Variants in PFKFB3 observed in about 807,000 individuals in gnomAD.
The protein encoded by PFKFB3 is 6-phosphofructo-2-kinase/fructose-2,6-biphosphatase 3.
PFKFB3 carries 33 observed loss-of-function variants against 68.0 expected under a neutral mutation model. The observed-to-expected ratio is 0.49, with a 90% CI of 0.37 to 0.65. The LOEUF (loss-of-function observed/expected upper bound fraction) is 0.65. Among genes scored for constraint, PFKFB3 ranks in the 30% least tolerant of loss-of-function variants. PFKFB3 has a pLI of 0.00. For synonymous variants in PFKFB3, 315 were observed against 288.2 expected (o/e 1.09, Z -0.94); for missense variants, 586 against 712.2 (o/e 0.82, Z 2.02).
At position 6,177,468 on chromosome 10, in the gene PFKFB3, C is replaced by CTTTCTTTCTTTCTT. The variant is rs1842552305; in HGVS notation, c.16+32457_16+32470dup. Among the ~76,000 whole-genome samples, 13 of 120,738 alleles carry CTTTCTTTCTTTCTT rather than the reference C, an allele frequency of 1.1e-4. No homozygotes were observed. The South Asian group carries it at 2.9e-3, about 27-fold the overall frequency. The allele number at this position is 120,738 out of a possible 152,430, so 79.2% of individuals were successfully genotyped here. A position where few individuals can be genotyped will look rare whatever the true frequency, so the allele number is the denominator to read the frequency against. ...TCTTTCTTTCTTTCTTTCTTTCTTT[C>CTTTCTTTCTTTCTT]TTTCTTTCTTTCTTTCTTTTTCTTT... On this transcript the variant is annotated intron_variant, in intron 1 of 14. Coordinates refer to the PFKFB3 transcript ENST00000379789.
At chr10:6,273,569 T>C in the PFKFB3 span, among the ~76,000 whole-genome samples, 2 of 152,170 alleles carry the variant, frequency 1.3e-5, no homozygotes, top group Admixed American at 6.5e-5. Flanking sequence ...GACTGGAGTA[T>C]GTTAAGGACT....
At chr10:6,197,824 T>A (rs1843215571) in intron 1 of PFKFB3, 1 of 152,094 alleles carries the variant, frequency 6.6e-6, no homozygotes, top group South Asian at 2.1e-4. Context: ...TTGTTCAAGG[T>A]CAACTGTATA....
downstream of PFKFB3, among the ~76,000 whole-genome samples, chr10:6,238,874 C>T (rs1846081880): frequency 6.6e-6 from 1 of 152,158 alleles, no homozygotes; most frequent in Non-Finnish European, 1.5e-5. Flanking sequence ...CCAGCTCCTT[C>T]TATGTCCCTG....
chr10:6,234,972 C>A lies in PFKFB3; in HGVS notation c.*2030C>A, dbSNP rs1064898. On this transcript the variant is annotated 3_prime_UTR_variant, in exon 15 of 15. Transcript: ENST00000379775. ...GATACTATAGAAAGGAGAACACTGC[C>A]TACTTTGCAAGCCAGTGACCTGCCT... 3 of 146,418 alleles carry A rather than the reference C, an allele frequency of 2.0e-5. No individual in the cohort carries two copies. In the Admixed American group the frequency reaches 2.1e-4, roughly 10 times the overall value. The allele number at this position is 146,418 out of a possible 1,614,324, so 9.1% of individuals were successfully genotyped here.
intron 13 of PFKFB3, 178 bp downstream of exon 13, chr10:6,224,391 C>T (rs1588523758): frequency 1.6e-6 from 1 of 636,038 alleles, no homozygotes. Flanking sequence ...TCTGTGGCTT[C>T]TGGGGCCTTC....
upstream of PFKFB3, among the ~76,000 whole-genome samples, chr10:6,199,670 T>TTA (rs1284648543): frequency 7.1e-6 from 1 of 140,200 alleles, no homozygotes; most frequent in Non-Finnish European, 1.5e-5. Context: ...TTTTTTTTTT[T>TTA]TTTTTTTTTT....
Position 6,203,056 on chromosome 10 carries a change from A to T in PFKFB3, c.-205A>T. Reference sequence around the variant, plus strand: ...CGTGCCGGGCATCCCCAGCCTCGCTACCCTCGCAGCACACGTCGAGCCCCG... The same window carrying T: ...CGTGCCGGGCATCCCCAGCCTCGCTTCCCTCGCAGCACACGTCGAGCCCCG... On this transcript the variant is annotated 5_prime_UTR_variant, in exon 1 of 15. Coordinates refer to ENST00000379775, the MANE Select transcript of PFKFB3 (RefSeq NM_004566.4). 1 of 1,384,530 alleles carries T rather than the reference A, an allele frequency of 7.2e-7. No individual in the cohort carries two copies. The highest frequency in any genetic ancestry group is 9.3e-7 in the Non-Finnish European group (1 of 1,074,130). 85.8% of individuals were successfully genotyped at this position (1,384,530 alleles called of 1,614,324 possible). A position where few individuals can be genotyped will look rare whatever the true frequency, so the allele number is the denominator to read the frequency against.
At chr10:6,205,388 C>CTTTTTTTT (rs3084014) in intron 1 of PFKFB3, among the ~76,000 whole-genome samples, 86 of 106,488 alleles carry the variant, frequency 8.1e-4, no homozygotes, top group Admixed American at 1.5e-3. Context: ...TTCTTTCTTC[C>CTTTTTTTT]TTTTTTTTTT....
chr10:6,292,278 C>T, the PFKFB3 span, among the ~76,000 whole-genome samples: 455 of 54,296 alleles, frequency 8.4e-3, 32 homozygotes, highest in East Asian at 0.037. Flanking sequence ...TTTTTTTTTT[C>T]TTTTTTTTTT....
At chr10:6,262,499 A>T in the PFKFB3 span, among the ~76,000 whole-genome samples, 6 of 148,474 alleles carry the variant, frequency 4.0e-5, no homozygotes, top group Admixed American at 4.0e-4. Context: ...GGATATTTTC[A>T]ATGTAATCTA....
chr10:6,178,690 C>T (rs34836742), intron 1 of PFKFB3, among the ~76,000 whole-genome samples: 3,793 of 152,288 alleles, frequency 0.025, 80 homozygotes, highest in Non-Finnish European at 0.035. Flanking sequence ...GTGGGCATCT[C>T]GGCCTCGAGT....
chr10:6,159,167 G>A (rs1588395091), intron 1 of PFKFB3, among the ~76,000 whole-genome samples: 1 of 152,270 alleles, frequency 6.6e-6, no homozygotes, highest in East Asian at 1.9e-4. Flanking sequence ...GACGGAGGTA[G>A]GCAGATCCCT....
intron 1 of PFKFB3, among the ~76,000 whole-genome samples, chr10:6,158,026 C>T (rs1289412128): frequency 6.6e-6 from 1 of 151,914 alleles, no homozygotes; most frequent in Non-Finnish European, 1.5e-5. Flanking sequence ...TGGTTCATGC[C>T]TGTAATCCCA....
At chr10:6,316,925 A>T in the PFKFB3 span, among the ~76,000 whole-genome samples, 2 of 152,182 alleles carry the variant, frequency 1.3e-5, no homozygotes, top group African/African-American at 4.8e-5. Flanking sequence ...TTTTGCAAGT[A>T]TGACTCCCCA....
At chr10:6,156,019 C>T (rs957635893) in intron 1 of PFKFB3, among the ~76,000 whole-genome samples, 10 of 152,162 alleles carry the variant, frequency 6.6e-5, no homozygotes, top group African/African-American at 2.4e-4. Flanking sequence ...CCCCCGCTGC[C>T]ATCCTCCCAA....
At chr10:6,157,648 T>A (rs1418039110) in intron 1 of PFKFB3, among the ~76,000 whole-genome samples, 1 of 152,164 alleles carries the variant, frequency 6.6e-6, no homozygotes, top group African/African-American at 2.4e-5. Flanking sequence ...CCGGGTCCTG[T>A]TTATAAATGG....
Position 6,231,229 on chromosome 10 carries a change from C to A in PFKFB3, c.1516-1666C>A, listed in dbSNP as rs567517435. The A allele has an allele frequency of 1.4e-4, 181 of 1,323,692 alleles. No homozygotes were observed. In the Admixed American group the frequency reaches 3.0e-3, roughly 22 times the overall value. 82.0% of individuals were successfully genotyped at this position (1,323,692 alleles called of 1,614,324 possible). On this transcript the variant is annotated intron_variant, in intron 14 of 14. Transcript: ENST00000379775. Reference sequence around the variant, plus strand: ...TTTCTTTTTTTTTTTCCTTTTCCAACCTGTTTCTTCCTCTCCCCCACTCTG... The same window carrying A: ...TTTCTTTTTTTTTTTCCTTTTCCAAACTGTTTCTTCCTCTCCCCCACTCTG...
intron 1 of PFKFB3, among the ~76,000 whole-genome samples, chr10:6,176,003 G>T (rs1842454375): frequency 6.6e-6 from 1 of 152,234 alleles, no homozygotes; most frequent in Admixed American, 6.5e-5. Flanking sequence ...ATGCACTCAA[G>T]GTGCACAGAA....
intron 1 of PFKFB3, among the ~76,000 whole-genome samples, chr10:6,208,084 CT>C (rs1843911022): frequency 6.6e-6 from 1 of 152,068 alleles, no homozygotes; most frequent in African/African-American, 2.4e-5. Context: ...AAGCACCAAA[CT>C]TTGTTTTTTG....
Sources: allele counts gnomAD v4.1 joint callset (sites outside exome capture counted in the v4.1 genomes callset), GRCh38; gene constraint gnomAD v4.1.1; transcripts MANE v1.5; gene names NCBI Gene and HGNC (gene_info 2026-07-23, HGNC 2026-07-21).